Variants in CUBN observed in about 807,000 individuals in gnomAD.
CUBN encodes 460 kDa receptor.
In CUBN, 282 loss-of-function variants were observed where a neutral mutation model predicts 405.3. The ratio of observed to expected loss-of-function variants is 0.70; its 90% CI spans 0.63 to 0.77. CUBN has a LOEUF of 0.77. Among genes scored for constraint, CUBN ranks in the 30% least tolerant of loss-of-function variants. CUBN has a pLI of 0.00. For missense variants in CUBN, 4,514 were observed against 4,475.2 expected (o/e 1.01, Z -0.25); for synonymous variants, 1,684 against 1,617.0 (o/e 1.04, Z -0.99).
At chr10:16,873,147 C>G (rs929929769) in intron 58 of CUBN, among the ~76,000 whole-genome samples, 54 of 152,194 alleles carry the variant, frequency 3.5e-4, no homozygotes, top group Admixed American at 3.5e-3. Context: ...CTTAGCCCAT[C>G]AGGCTTCTGT....
At chr10:16,946,764 G>A (rs977057884) in intron 36 of CUBN, among the ~76,000 whole-genome samples, 2 of 152,066 alleles carry the variant, frequency 1.3e-5, no homozygotes, top group African/African-American at 4.8e-5. Flanking sequence ...CCAAAGTGCG[G>A]GATTACAGGC....
At chr10:17,071,036 T>C (rs531540058) in intron 19 of CUBN, among the ~76,000 whole-genome samples, 83 of 152,350 alleles carry the variant, frequency 5.4e-4, no homozygotes, top group African/African-American at 2.0e-3. Flanking sequence ...GGAAGGTTCC[T>C]TCTACTCCTA....
chr10:17,001,271 T>A (rs1302790512), intron 28 of CUBN, among the ~76,000 whole-genome samples: 3 of 152,214 alleles, frequency 2.0e-5, no homozygotes, highest in Admixed American at 2.0e-4. Context: ...GAACAAAGCT[T>A]CCACAGCGTG....
intron 26 of CUBN, 43 bp from the exon 27 acceptor site, chr10:17,041,263 C>T (rs771140614): frequency 2.0e-6 from 3 of 1,492,766 alleles, no homozygotes; most frequent in African/African-American, 1.4e-5. Context: ...TTATATACTT[C>T]ATAAGTGCTC....
At chr10:16,969,127 T>C (rs1289582976) in intron 31 of CUBN, among the ~76,000 whole-genome samples, 1 of 152,216 alleles carries the variant, frequency 6.6e-6, no homozygotes, top group African/African-American at 2.4e-5. Context: ...ACACGAAGAT[T>C]GTATATCAAT....
intron 51 of CUBN, among the ~76,000 whole-genome samples, chr10:16,901,909 A>ACACACCATATATAG (rs1365115200): frequency 0.037 from 5,013 of 135,984 alleles, 151 homozygotes; most frequent in Non-Finnish European, 0.062. Context: ...ATATATATAT[A>ACACACCATATATAG]TATATATATA....
At chr10:17,061,785 C>G (rs1302821758) in intron 22 of CUBN, among the ~76,000 whole-genome samples, 1 of 152,168 alleles carries the variant, frequency 6.6e-6, no homozygotes, top group Non-Finnish European at 1.5e-5. Context: ...AAAAATCCAC[C>G]ACAGTTTGAT....
chr10:17,086,150 G>C (rs370030714), intron 15 of CUBN, among the ~76,000 whole-genome samples: 7 of 152,028 alleles, frequency 4.6e-5, no homozygotes, highest in African/African-American at 1.7e-4. Flanking sequence ...ATTTTTAGTA[G>C]AGACAGGGTT....
chr10:16,865,263 C>A (rs1355727834), intron 59 of CUBN, among the ~76,000 whole-genome samples: 1 of 152,122 alleles, frequency 6.6e-6, no homozygotes, highest in African/African-American at 2.4e-5. Flanking sequence ...AGCCACCGTG[C>A]CCAGCCTACC....
chr10:16,856,995 A>G (rs1183054271), intron 59 of CUBN, among the ~76,000 whole-genome samples: 2 of 152,182 alleles, frequency 1.3e-5, no homozygotes, highest in African/African-American at 4.8e-5. Flanking sequence ...GTAATTTATA[A>G]AGCTGCAGAT....
intron 30 of CUBN, 49 bp from the exon 31 acceptor site, chr10:16,982,702 G>A (rs771272088): frequency 1.2e-5 from 18 of 1,509,154 alleles, no homozygotes; most frequent in African/African-American, 8.2e-5. Context: ...ATGGATGCTC[G>A]AAAATAATCC....
chr10:17,104,536 T>G lies in CUBN; in HGVS notation c.1300A>C (p.Asn434His). 3.1e-6 allele frequency: 5 copies of G among 1,613,814 alleles called. No individual in the cohort carries two copies. The highest frequency in any genetic ancestry group is 4.2e-6 in the Non-Finnish European group (5 of 1,179,968). Reference sequence around the variant, plus strand: ...AAACAGGGGTTGCTCAAACACTCATTGATGTTTTCTGTACAGTTGACACCT... The same window carrying G: ...AAACAGGGGTTGCTCAAACACTCATGGATGTTTTCTGTACAGTTGACACCT... Reference protein sequence around the residue: ...WTGVNCTENINECLSNPCLNG... With the variant: ...WTGVNCTENIHECLSNPCLNG... The change falls in exon 12 of 67, where the codon AAT becomes CAT. Residue 434 changes from asparagine (N) to histidine (H), a missense_variant. Coordinates refer to ENST00000377833, the MANE Select transcript of CUBN (RefSeq NM_001081.4).
At chr10:16,836,160 A>G in intron 63 of CUBN, 75 bp downstream of exon 63, 1 of 1,401,794 alleles carries the variant, frequency 7.1e-7, no homozygotes, top group Non-Finnish European at 1.0e-6. Context: ...AATTCTAGAA[A>G]TAATTGTAAT....
At chr10:16,852,964 G>GA (rs1411165104) in intron 59 of CUBN, among the ~76,000 whole-genome samples, 39 of 151,998 alleles carry the variant, frequency 2.6e-4, no homozygotes, top group Middle Eastern at 3.4e-3. Context: ...GAAGCTAAAG[G>GA]AAAAAATCTT....
intron 28 of CUBN, among the ~76,000 whole-genome samples, chr10:16,995,988 G>T (rs1833724119): frequency 6.6e-6 from 1 of 152,162 alleles, no homozygotes; most frequent in East Asian, 1.9e-4. Flanking sequence ...GGCAGATGTG[G>T]GTACAAAACC....
intron 22 of CUBN, among the ~76,000 whole-genome samples, chr10:17,054,106 G>C (rs1164073922): frequency 6.6e-6 from 1 of 151,980 alleles, no homozygotes; most frequent in East Asian, 1.9e-4. Context: ...GCCAAGGTGG[G>C]CAGATTACGT....
chr10:17,122,873 T>G lies in CUBN; in HGVS notation c.515A>C (p.Asn172Thr). 1 of 1,613,878 alleles carries G rather than the reference T, an allele frequency of 6.2e-7. No homozygotes were observed. The change falls in exon 6 of 67, where the codon AAC (asparagine) becomes ACC (threonine). Residue 172 changes from asparagine (N) to threonine (T), a missense_variant. Asn to Thr is a moderately conservative substitution (Grantham distance 65). Transcript: ENST00000377833. ...TGTTCCTGAGTAAATCTCACATTCG[T>G]TAACATCAGCTGAGCAGAGAGGACC... ...WKGPLCSADV[N>T]ECEIYSGTPL...
intron 58 of CUBN, among the ~76,000 whole-genome samples, chr10:16,872,237 C>A (rs1840377321): frequency 6.6e-6 from 1 of 151,858 alleles, no homozygotes; most frequent in African/African-American, 2.4e-5. Context: ...GAGAGCTAGT[C>A]TCAAATAAAT....
rs549280551 is a variant in CUBN, at chr10:17,047,986, A to C, written c.3140-383T>G. 4.6e-5 allele frequency among the ~76,000 whole-genome samples: 7 copies of C among 152,362 alleles called. No individual in the cohort carries two copies. In the South Asian group the frequency reaches 1.0e-3, roughly 23 times the overall value. On this transcript the variant is annotated intron_variant, in intron 22 of 66. Coordinates refer to ENST00000377833, the MANE Select transcript of CUBN (RefSeq NM_001081.4). The stretch of plus-strand genomic sequence containing the variant: ...CTCCCTTTAAAGTGGTTTTCACCAA[A>C]GCATGCATTTATGAGAAATGACAAA...
Sources: gnomAD v4.1 joint callset for allele counts (sites outside exome capture counted in the v4.1 genomes callset) on GRCh38, gnomAD v4.1.1 for gene constraint, MANE v1.5 for transcripts, NCBI Gene and HGNC (gene_info 2026-07-23, HGNC 2026-07-21) for gene names.